Variants in BTAF1 observed in about 807,000 individuals in gnomAD.
BTAF1 encodes TATA-binding protein-associated factor 172.
In BTAF1, 38 loss-of-function variants were observed where a neutral mutation model predicts 227.1. That is an observed-to-expected ratio of 0.17 (90% CI 0.13 to 0.22). BTAF1 has a LOEUF of 0.22. BTAF1 is among the 10% of genes least tolerant of loss of function. The probability of loss-of-function intolerance (pLI) is 1.00; values close to 1 mark genes in which losing one functional copy is unlikely to be tolerated. For missense variants in BTAF1, 1,598 were observed against 2,204.0 expected (o/e 0.73, Z 5.51); for synonymous variants, 742 against 751.9 (o/e 0.99, Z 0.21).
In BTAF1 at chr10:91,966,703, A is replaced by G; in HGVS notation, c.1596A>G (p.Ser532=). Reference sequence around the variant, plus strand: ...CTTTTTTGCATCACACTATATCATCAGTTCGAAGAGCAGCATTGGAAACTC... The same window carrying G: ...CTTTTTTGCATCACACTATATCATCGGTTCGAAGAGCAGCATTGGAAACTC... The part of the protein sequence containing the change: ...VWPFLHHTIS[S]VRRAALETLF... Residue 532 remains serine, a synonymous_variant, in exon 14 of 38, where the codon TCA becomes TCG. Coordinates refer to ENST00000265990, the MANE Select transcript of BTAF1 (RefSeq NM_003972.3). 1 of 1,614,054 alleles carries G rather than the reference A, an allele frequency of 6.2e-7. No individual in the cohort carries two copies. Among genetic ancestry groups the G allele is most frequent in the South Asian group, 1.1e-5 (1 of 91,076 alleles).
In BTAF1 at chr10:92,008,917, C is replaced by A; in HGVS notation, c.3902C>A (p.Ser1301Tyr). The A allele has an allele frequency of 6.2e-7, 1 of 1,613,782 alleles. No individual in the cohort carries two copies. Among genetic ancestry groups the A allele is most frequent in the South Asian group, 1.1e-5 (1 of 91,018 alleles). Residue 1301 changes from serine (S) to tyrosine (Y), a missense_variant, in exon 27 of 38, where the codon TCC becomes TAC. Around this residue, in one of 10 missense-constraint regions of BTAF1, gnomAD observed 184 missense variants for 341.1 expected, o/e 0.54. Coordinates refer to ENST00000265990, the MANE Select transcript of BTAF1 (RefSeq NM_003972.3). ...ATGGGTTTAGGAAAAACTTTACAGT[C>A]CATCTGCATTCTAGCAGGAGATCAT... ...DDMGLGKTLQ[S>Y]ICILAGDHCH...
At chr10:92,008,344 G>GC in intron 26 of BTAF1, 69 bp downstream of exon 26, 2 of 1,386,766 alleles carry the variant, frequency 1.4e-6, no homozygotes, top group Non-Finnish European at 1.9e-6. Context: ...TGTTGGGGGG[G>GC]GCTTTTGTTT....
intron 13 of BTAF1, 73 bp downstream of exon 13, chr10:91,964,274 A>G: frequency 6.7e-7 from 1 of 1,496,422 alleles, no homozygotes. Context: ...GCCTAAACAT[A>G]ACAATATTTT....
chr10:91,945,502 G>C (rs1204159192), intron 4 of BTAF1, among the ~76,000 whole-genome samples: 2 of 151,948 alleles, frequency 1.3e-5, no homozygotes, highest in Admixed American at 1.3e-4. Flanking sequence ...CCATGAATTT[G>C]ACTACTCTAG....
At chr10:91,926,369 A>G (rs1396225893) in intron 1 of BTAF1, among the ~76,000 whole-genome samples, 1 of 152,252 alleles carries the variant, frequency 6.6e-6, no homozygotes, top group African/African-American at 2.4e-5. Context: ...GGGAAATAGT[A>G]AGTTAGTACC....
rs1489777061 is a variant in BTAF1, at chr10:91,936,589, T to C, written c.138+809T>C. On this transcript the variant is annotated intron_variant, in intron 2 of 37. Transcript: ENST00000265990. ...ACCACAAGGACTAACAGTGACTCTC[T>C]TTCCAACATAATTCCCACTTAGATA... Among the ~76,000 whole-genome samples, 3 of 152,334 alleles carry C rather than the reference T, an allele frequency of 2.0e-5. No individual in the cohort carries two copies. In the East Asian group the frequency reaches 5.8e-4, roughly 29 times the overall value.
intron 19 of BTAF1, among the ~76,000 whole-genome samples, chr10:91,988,298 G>A (rs1802040608): frequency 6.6e-6 from 1 of 152,042 alleles, no homozygotes; most frequent in South Asian, 2.1e-4. Context: ...TAATTTGGGG[G>A]TAACTGAGGC....
At chr10:92,026,499 C>A in intron 35 of BTAF1, 93 bp from the exon 36 acceptor site, 1 of 1,035,508 alleles carries the variant, frequency 9.7e-7, no homozygotes, top group Non-Finnish European at 1.4e-6. Context: ...ATTTTTAAAG[C>A]AGCATTTTCA....
At chr10:92,027,033 G>C in intron 36 of BTAF1, 97 bp from the exon 37 acceptor site, 1 of 1,253,102 alleles carries the variant, frequency 8.0e-7, no homozygotes, top group Non-Finnish European at 1.1e-6. Flanking sequence ...ACCCTAATTA[G>C]GTAGTATAAA....
intron 2 of BTAF1, 102 bp from the exon 3 acceptor site, chr10:91,939,850 C>T: frequency 1.6e-6 from 1 of 644,314 alleles, no homozygotes; most frequent in South Asian, 2.3e-5. Context: ...GGATGGCTGC[C>T]AAATTACACA....
chr10:91,983,044 C>T (rs955032927), intron 18 of BTAF1, among the ~76,000 whole-genome samples: 4 of 152,034 alleles, frequency 2.6e-5, no homozygotes, highest in South Asian at 2.1e-4. Context: ...TATTAAAAAC[C>T]GCGTATATGT....
chr10:92,000,844 C>T (rs373855569), intron 25 of BTAF1, among the ~76,000 whole-genome samples: 15 of 151,894 alleles, frequency 9.9e-5, no homozygotes, highest in African/African-American at 2.7e-4. Flanking sequence ...ATGAGCCACC[C>T]GGTTTGTTTG....
Position 91,963,002 on chromosome 10 carries a change from A to T in BTAF1, c.1404+324A>T, listed in dbSNP as rs151132011. 3.5e-3 allele frequency among the ~76,000 whole-genome samples: 531 copies of T among 151,574 alleles called. 9 individuals carry two copies. The highest frequency in any genetic ancestry group is 0.015 in the East Asian group (75 of 5,156). ...ATTTTAGTTTTTGGATTGTTTTTTT[A>T]AATCTAGTCTCCCCTCCCCTCCCTG... On this transcript the variant is annotated intron_variant, in intron 12 of 37. Transcript: ENST00000265990.
chr10:91,959,007 A>G (rs1846297434), intron 8 of BTAF1, 58 bp from the exon 9 acceptor site: 3 of 1,511,644 alleles, frequency 2.0e-6, no homozygotes, highest in Non-Finnish European at 2.7e-6. Context: ...TAGAAGAAAA[A>G]TCAAACTTTG....
intron 33 of BTAF1, 76 bp from the exon 34 acceptor site, chr10:92,018,707 T>C (rs1245359981): frequency 7.9e-7 from 1 of 1,264,998 alleles, no homozygotes; most frequent in East Asian, 2.6e-5. Context: ...GGAAATAGCA[T>C]AGGGAAAGAT....
chr10:92,001,065 T>C (rs1030294142), intron 25 of BTAF1, among the ~76,000 whole-genome samples: 1 of 152,108 alleles, frequency 6.6e-6, no homozygotes, highest in African/African-American at 2.4e-5. Context: ...TACCAAACAG[T>C]GGTTTTCAGG....
At position 91,951,345 on chromosome 10, in the gene BTAF1, A is replaced by C; in HGVS notation, c.401-58A>C. On this transcript the variant is annotated intron_variant, in intron 4 of 37. Coordinates refer to ENST00000265990, the MANE Select transcript of BTAF1 (RefSeq NM_003972.3). ...TTTATTTTGATAGAGTTTGATGTGC[A>C]CGTATTAGAAAACTTCTTAACTGAT... 2.0e-6 allele frequency: 3 copies of C among 1,536,210 alleles called. No homozygotes were observed. In the South Asian group the frequency reaches 3.7e-5, roughly 19 times the overall value.
intron 5 of BTAF1, among the ~76,000 whole-genome samples, chr10:91,952,698 G>A (rs1589794559): frequency 6.6e-6 from 1 of 152,150 alleles, no homozygotes; most frequent in East Asian, 1.9e-4. Context: ...AACTTCTGCA[G>A]ACAAGGGGGT....
At chr10:91,935,554 G>T (rs868147889) in intron 1 of BTAF1, 103 bp from the exon 2 acceptor site, 332 of 1,258,472 alleles carry the variant, frequency 2.6e-4, no homozygotes, top group Middle Eastern at 1.6e-3. Context: ...TTATGTTAGC[G>T]TAGGTCTTCA....
Sources: gnomAD v4.1 joint callset for allele counts (sites outside exome capture counted in the v4.1 genomes callset) on GRCh38, gnomAD v4.1.1 for gene constraint, gnomAD v4.1.1 regional missense constraint, MANE v1.5 for transcripts, NCBI Gene and HGNC (gene_info 2026-07-23, HGNC 2026-07-21) for gene names.